The following SKAP1 variants were observed in gnomAD, a reference collection of about 807,000 sequenced individuals.
SKAP1 encodes src kinase-associated phosphoprotein 1.
In SKAP1, 44 loss-of-function variants were observed where a neutral mutation model predicts 58.5. The ratio of observed to expected loss-of-function variants is 0.75; its 90% CI spans 0.59 to 0.97. The LOEUF is 0.97. SKAP1 is among the 50% of genes least tolerant of loss of function. The pLI is 0.00. For synonymous variants in SKAP1, 127 were observed against 149.7 expected (o/e 0.85, Z 1.11); for missense variants, 390 against 435.2 (o/e 0.90, Z 0.92).
In SKAP1 at chr17:48,177,787, C is replaced by A. The variant is rs75860816; in HGVS notation, c.826+2267G>T. Among the ~76,000 whole-genome samples, 618 of 152,268 alleles carry A rather than the reference C, an allele frequency of 4.1e-3. 2 individuals carry two copies. Among genetic ancestry groups the A allele is most frequent in the African/African-American group, 0.014 (588 of 41,546 alleles). ...CATAATTAAATGCCAATATATCCCA[C>A]CTCCAACTCTGACTCTAAGAACTGT... is the stretch of plus-strand genomic sequence containing the variant. On this transcript the variant is annotated intron_variant, in intron 9 of 12. Coordinates refer to ENST00000336915, the MANE Select transcript of SKAP1 (RefSeq NM_003726.4).
intron 2 of SKAP1, among the ~76,000 whole-genome samples, chr17:48,375,444 G>A (rs929780925): frequency 1.3e-5 from 2 of 152,162 alleles, no homozygotes; most frequent in Admixed American, 6.5e-5. Flanking sequence ...TGGAATCATT[G>A]CTATGGTCAA....
rs201085009 is a variant in SKAP1 at position 48,206,476 on chromosome 17, TTTAA to T, written c.281-16980_281-16977del. ...TGGTATAAAAAATAAAGAAATAAAA[TTTAA>T]TTATACAATTTTATAAGGGTTGACG... On this transcript the variant is annotated intron_variant, in intron 4 of 12. Transcript: ENST00000336915. Among the ~76,000 whole-genome samples, 452 of 152,126 alleles carry T rather than the reference TTTAA, an allele frequency of 3.0e-3. 8 individuals carry two copies. The highest frequency in any genetic ancestry group is 0.027 in the East Asian group (140 of 5,176).
At chr17:48,142,801 C>T (rs922164142) in intron 11 of SKAP1, among the ~76,000 whole-genome samples, 1 of 151,908 alleles carries the variant, frequency 6.6e-6, no homozygotes, top group Non-Finnish European at 1.5e-5. Context: ...TACACCACAC[C>T]TTCTTTTCTT....
chr17:48,152,376 T>G (rs1488260668), intron 11 of SKAP1, among the ~76,000 whole-genome samples: 1 of 152,238 alleles, frequency 6.6e-6, no homozygotes, highest in Admixed American at 6.5e-5. Flanking sequence ...AGGCTGAGTT[T>G]CTTTTGAGAA....
chr17:48,166,496 T>C (rs2064142014), intron 10 of SKAP1, among the ~76,000 whole-genome samples: 1 of 152,212 alleles, frequency 6.6e-6, no homozygotes, highest in Non-Finnish European at 1.5e-5. Flanking sequence ...TTCTCCTTCC[T>C]TAGGGACAAT....
At chr17:48,440,448 G>A in the SKAP1 span, among the ~76,000 whole-genome samples, 1 of 152,190 alleles carries the variant, frequency 6.6e-6, no homozygotes, top group Non-Finnish European at 1.5e-5. Flanking sequence ...AGTGTCCTTG[G>A]GAGGTGAGAC....
chr17:48,422,083 C>T (rs551759245), intron 1 of SKAP1, among the ~76,000 whole-genome samples: 1 of 152,038 alleles, frequency 6.6e-6, no homozygotes, highest in Non-Finnish European at 1.5e-5. Context: ...TGGTGGTGTG[C>T]ACCTGTAGTC....
chr17:48,378,783 A>C (rs1308037751), intron 2 of SKAP1, among the ~76,000 whole-genome samples: 1 of 152,190 alleles, frequency 6.6e-6, no homozygotes, highest in Non-Finnish European at 1.5e-5. Flanking sequence ...TGAGCCCTCA[A>C]GGGGCAGTGG....
At chr17:48,352,236 G>T (rs1389964211) in intron 3 of SKAP1, among the ~76,000 whole-genome samples, 3 of 152,144 alleles carry the variant, frequency 2.0e-5, no homozygotes, top group Non-Finnish European at 2.9e-5. Context: ...CCAGATAATT[G>T]TATATGTGAC....
At chr17:48,292,409 T>C (rs946603012) in intron 4 of SKAP1, among the ~76,000 whole-genome samples, 5 of 152,158 alleles carry the variant, frequency 3.3e-5, no homozygotes, top group African/African-American at 1.2e-4. Context: ...TTAAAAGTCA[T>C]AGTTACAACT....
intron 4 of SKAP1, among the ~76,000 whole-genome samples, chr17:48,345,655 C>G (rs577995073): frequency 6.6e-6 from 1 of 152,264 alleles, no homozygotes; most frequent in South Asian, 2.1e-4. Context: ...ATAAAAAGAT[C>G]AATAATGATG....
intron 1 of SKAP1, among the ~76,000 whole-genome samples, chr17:48,413,911 CCA>C (rs1567905771): frequency 6.6e-6 from 1 of 152,062 alleles, no homozygotes; most frequent in East Asian, 1.9e-4. Flanking sequence ...CAGAGTCTTC[CCA>C]CAGTTACCTT....
intron 6 of SKAP1, 167 bp from the exon 7 acceptor site, chr17:48,185,014 C>A: frequency 1.6e-6 from 1 of 610,442 alleles, no homozygotes; most frequent in Non-Finnish European, 2.8e-6. Flanking sequence ...GCTACTGCGA[C>A]AGTAAGGCAG....
chr17:48,249,620 A>G (rs978876256), intron 4 of SKAP1, among the ~76,000 whole-genome samples: 4 of 151,910 alleles, frequency 2.6e-5, no homozygotes, highest in Non-Finnish European at 5.9e-5. Flanking sequence ...GCTGCTGTGA[A>G]CCATGATCAT....
At chr17:48,161,676 G>A (rs1478327663) in intron 11 of SKAP1, among the ~76,000 whole-genome samples, 1 of 152,140 alleles carries the variant, frequency 6.6e-6, no homozygotes, top group Non-Finnish European at 1.5e-5. Context: ...TGGCCTGTGT[G>A]GGATTGAATT....
intron 1 of SKAP1, among the ~76,000 whole-genome samples, chr17:48,424,848 C>T (rs957407528): frequency 6.6e-6 from 1 of 150,758 alleles, no homozygotes; most frequent in Non-Finnish European, 1.5e-5. Flanking sequence ...AGGAGAATCA[C>T]TGGAACCTGG....
intron 4 of SKAP1, among the ~76,000 whole-genome samples, chr17:48,214,416 C>T (rs577365272): frequency 6.6e-6 from 1 of 152,280 alleles, no homozygotes; most frequent in Non-Finnish European, 1.5e-5. Context: ...ATTACAGCTT[C>T]CTATTAGCTT....
chr17:48,219,888 G>A (rs940577386), intron 4 of SKAP1, among the ~76,000 whole-genome samples: 3 of 152,180 alleles, frequency 2.0e-5, no homozygotes, highest in African/African-American at 7.2e-5. Flanking sequence ...GTTCCTCACA[G>A]AGGAGATGTT....
At chr17:48,440,444 C>T in the SKAP1 span, among the ~76,000 whole-genome samples, 1 of 152,156 alleles carries the variant, frequency 6.6e-6, no homozygotes, top group East Asian at 1.9e-4. Context: ...GCGCAGTGTC[C>T]TTGGGAGGTG....
Sources: allele counts gnomAD v4.1 joint callset (sites outside exome capture counted in the v4.1 genomes callset), GRCh38; gene constraint gnomAD v4.1.1; transcripts MANE v1.5; gene names NCBI Gene and HGNC (gene_info 2026-07-23, HGNC 2026-07-21).